SIK2: variants seen among roughly 807,000 people sequenced by gnomAD.
SIK2 encodes serine/threonine-protein kinase SIK2.
A neutral mutation model predicts 103.2 loss-of-function variants in SIK2; 29 were observed. That is an observed-to-expected ratio of 0.28 (90% CI 0.21 to 0.38). SIK2 has a LOEUF of 0.38. Ranked by LOEUF, SIK2 falls within the 10% of genes least tolerant of loss-of-function variation. The pLI is 1.00. For missense variants in SIK2, 879 were observed against 1,171.0 expected, an observed-to-expected ratio of 0.75 and a Z score of 3.64; for synonymous variants, 412 against 446.1, an observed-to-expected ratio of 0.92 and a Z score of 0.96.
Position 111,688,778 on chromosome 11 carries a change from T to A in SIK2, c.478+616T>A, listed in dbSNP as rs1202526838. On this transcript the variant is annotated intron_variant, in intron 4 of 14. Transcript: ENST00000304987. This position sits in a 1 kb window ranked among gnomAD's most constrained non-coding sequence, Gnocchi z 4.2. ...AAAACTCTCATTCACTCAATAAATA[T>A]GTATCAGGTACTGTGCTATGTTAAG... Among the ~76,000 whole-genome samples the A allele has an allele frequency of 6.6e-6, 1 of 152,218 alleles. No homozygotes were observed. Among genetic ancestry groups the A allele is most frequent in the East Asian group, 1.9e-4 (1 of 5,204 alleles).
At chr11:111,620,245 T>G (rs1941865092) in intron 2 of SIK2, 94 bp from the exon 3 acceptor site, 3 of 802,422 alleles carry the variant, frequency 3.7e-6, no homozygotes, top group African/African-American at 1.8e-5. Flanking sequence ...CTGTGATTCT[T>G]TTATTAGTAG....
intron 4 of SIK2, among the ~76,000 whole-genome samples, chr11:111,694,266 A>G (rs2135906819): frequency 6.6e-6 from 1 of 152,236 alleles, no homozygotes; most frequent in East Asian, 1.9e-4. Context: ...AGCCTTATTA[A>G]TACAAACCTT....
chr11:111,631,320 T>C (rs1455985481), intron 3 of SIK2, among the ~76,000 whole-genome samples: 1 of 152,178 alleles, frequency 6.6e-6, no homozygotes, highest in Non-Finnish European at 1.5e-5. Flanking sequence ...GCAGTGCTCA[T>C]ATGATTGTCA....
At chr11:111,674,312 AT>A (rs1942672265) in intron 3 of SIK2, among the ~76,000 whole-genome samples, 1 of 152,118 alleles carries the variant, frequency 6.6e-6, no homozygotes, top group Non-Finnish European at 1.5e-5. Flanking sequence ...ATTGGATCAT[AT>A]GATTCTTCAG....
At chr11:111,632,564 T>G (rs1942053687) in intron 3 of SIK2, among the ~76,000 whole-genome samples, 1 of 152,132 alleles carries the variant, frequency 6.6e-6, no homozygotes, top group African/African-American at 2.4e-5. Flanking sequence ...GATTTTACAG[T>G]TGAAGAAACT....
At chr11:111,682,116 A>G (rs1942785441) in intron 3 of SIK2, among the ~76,000 whole-genome samples, 1 of 152,188 alleles carries the variant, frequency 6.6e-6, no homozygotes, top group Non-Finnish European at 1.5e-5. Context: ...TTACTGACCA[A>G]TCTTAGCACT....
intron 7 of SIK2, 118 bp from the exon 8 acceptor site, chr11:111,704,869 T>C (rs926043763): frequency 2.3e-5 from 28 of 1,221,996 alleles, no homozygotes; most frequent in Non-Finnish European, 3.1e-5. Flanking sequence ...TGAGACACTT[T>C]GTTTTTCACC....
intron 3 of SIK2, among the ~76,000 whole-genome samples, chr11:111,637,881 G>T (rs1045691752): frequency 2.0e-5 from 3 of 151,950 alleles, no homozygotes; most frequent in Non-Finnish European, 4.4e-5. Flanking sequence ...TCTTCTCTGT[G>T]ATTTGTTTTT....
At position 111,618,426 on chromosome 11, in the gene SIK2, G is replaced by T. The variant is rs557128572; in HGVS notation, c.253-1913G>T. On this transcript the variant is annotated intron_variant, in intron 2 of 14. Transcript: ENST00000304987. Reference sequence around the variant, plus strand: ...TGTGAAGACCATTGGCTTATGATATGCCTCCTGAGAATGAGAGACTATGAT... The same window carrying T: ...TGTGAAGACCATTGGCTTATGATATTCCTCCTGAGAATGAGAGACTATGAT... 1.3e-4 allele frequency among the ~76,000 whole-genome samples: 20 copies of T among 152,260 alleles called. No individual in the cohort carries two copies. The South Asian group carries it at 3.1e-3, about 24-fold the overall frequency.
chr11:111,615,882 T>G (rs796927625), intron 1 of SIK2, among the ~76,000 whole-genome samples: 9 of 152,354 alleles, frequency 5.9e-5, no homozygotes, highest in African/African-American at 2.2e-4. Flanking sequence ...GCTGATCATT[T>G]GTTTATAGGT....
At chr11:111,619,828 G>T (rs578022) in intron 2 of SIK2, among the ~76,000 whole-genome samples, 90,498 of 152,036 alleles carry the variant, frequency 0.6, 30,076 homozygotes, top group East Asian at 0.96. Flanking sequence ...ATAGTACAAG[G>T]AATATCACAT....
chr11:111,660,839 CTTTTTTTTT>C (rs57174726), intron 3 of SIK2, among the ~76,000 whole-genome samples: 1 of 90,398 alleles, frequency 1.1e-5, no homozygotes, highest in Non-Finnish European at 2.0e-5. Context: ...GTGAAGTTGG[CTTTTTTTTT>C]TTTTTTTTTT....
At chr11:111,678,457 A>G (rs1041550144) in intron 3 of SIK2, among the ~76,000 whole-genome samples, 1 of 152,170 alleles carries the variant, frequency 6.6e-6, no homozygotes, top group Non-Finnish European at 1.5e-5. Context: ...TGAGGGAGAA[A>G]GCACTGTGCT....
rs1010110839 is a variant in SIK2, at chr11:111,722,722, C to G, written c.2113C>G (p.Pro705Ala). ...CTGTCAGCTTTATTGCAAAGAACCA[C>G]CGCGGAGCCTTGAGCAGCAGCTGCA... Reference protein sequence around the residue: ...NTCQLYCKEPPRSLEQQLQEH... With the variant: ...NTCQLYCKEPARSLEQQLQEH... The change falls in exon 14 of 15, where the codon CCG (proline) becomes GCG (alanine). Residue 705 changes from proline (P) to alanine (A), a missense_variant. Physicochemically the swap from Pro to Ala is conservative, Grantham distance 27 (BLOSUM62 -1). Coordinates refer to ENST00000304987, the MANE Select transcript of SIK2 (RefSeq NM_015191.3). This position sits in a 1 kb window ranked among gnomAD's most constrained non-coding sequence, Gnocchi z 4.4. The G allele has an allele frequency of 1.2e-6, 2 of 1,614,160 alleles. No individual in the cohort carries two copies. Among genetic ancestry groups the G allele is most frequent in the Non-Finnish European group, 8.5e-7 (1 of 1,179,994 alleles).
At chr11:111,718,843 A>T (rs551644807) in intron 9 of SIK2, 1 of 152,254 alleles carries the variant, frequency 6.6e-6, no homozygotes, top group Non-Finnish European at 1.5e-5. Context: ...ATTGATTTCC[A>T]CGGGGGAATA....
intron 3 of SIK2, among the ~76,000 whole-genome samples, chr11:111,646,025 A>G (rs1366504902): frequency 6.6e-6 from 1 of 152,192 alleles, no homozygotes; most frequent in East Asian, 1.9e-4. Context: ...TTTGTGTTTT[A>G]TATTTCAAAC....
intron 4 of SIK2, 80 bp from the exon 5 acceptor site, chr11:111,700,806 A>G: frequency 2.6e-6 from 4 of 1,535,718 alleles, no homozygotes; most frequent in South Asian, 1.2e-5. Context: ...TTAATATAGC[A>G]TATTAGAAAA....
intron 13 of SIK2, 31 bp downstream of exon 13, chr11:111,721,971 C>A: frequency 2.7e-6 from 4 of 1,483,286 alleles, no homozygotes; most frequent in Non-Finnish European, 3.7e-6. Context: ...GTCCACCTCA[C>A]TCTGCTCATC....
At chr11:111,616,424 T>C in intron 2 of SIK2, 65 bp downstream of exon 2, 1 of 895,080 alleles carries the variant, frequency 1.1e-6, no homozygotes, top group South Asian at 1.6e-5. Flanking sequence ...CGTATCATGA[T>C]TTTTCTTCTT....
Sources: gnomAD v4.1 joint callset for allele counts (sites outside exome capture counted in the v4.1 genomes callset) on GRCh38, gnomAD v4.1.1 for gene constraint, Gnocchi (gnomAD v3.1) non-coding constraint, MANE v1.5 for transcripts, NCBI Gene and HGNC (gene_info 2026-07-23, HGNC 2026-07-21) for gene names.